Variants in RASGRP3 observed in about 807,000 individuals in gnomAD.
RASGRP3 encodes the protein ras guanyl-releasing protein 3.
A neutral mutation model predicts 82.7 loss-of-function variants in RASGRP3; 54 were observed. The observed-to-expected ratio is 0.65, with a 90% CI of 0.52 to 0.82. The LOEUF is 0.82. RASGRP3 is among the 40% of genes least tolerant of loss of function. RASGRP3 has a pLI of 0.00. For missense variants in RASGRP3, 861 were observed against 828.9 expected (o/e 1.04, Z -0.48); for synonymous variants, 309 against 300.5 (o/e 1.03, Z -0.29).
chr2:33,549,629 ATG>A lies in RASGRP3; in HGVS notation c.1421_1422del (p.Met474AsnfsTer8). ...DQDGLISKDE[M>X]MAYFLRAKSQ... ...GGATGGCCTAATTAGTAAAGATGAA[ATG>A]ATGGCTTACTTCCTGAGAGCTAAAT... On this transcript the variant is annotated frameshift_variant, in exon 14 of 18. Transcript: ENST00000403687. LOFTEE classifies it high-confidence loss of function. The A allele has an allele frequency of 3.1e-6, 5 of 1,613,410 alleles. No homozygotes were observed. The highest frequency in any genetic ancestry group is 3.4e-6 in the Non-Finnish European group (4 of 1,179,516).
At chr2:33,500,198 AAGG>A (rs1009252962) in intron 1 of RASGRP3, among the ~76,000 whole-genome samples, 3 of 152,130 alleles carry the variant, frequency 2.0e-5, no homozygotes, top group Admixed American at 2.0e-4. Context: ...AGAGAGGAAA[AAGG>A]AGGGAGGGAA....
intron 1 of RASGRP3, among the ~76,000 whole-genome samples, chr2:33,496,737 G>T: frequency 6.6e-6 from 1 of 152,156 alleles, no homozygotes; most frequent in Non-Finnish European, 1.5e-5. Flanking sequence ...CATGCCTGTA[G>T]TCCCAACTAC....
At chr2:33,445,150 G>A (rs1375153803) in intron 1 of RASGRP3, among the ~76,000 whole-genome samples, 3 of 152,238 alleles carry the variant, frequency 2.0e-5, no homozygotes, top group African/African-American at 7.2e-5. Flanking sequence ...GGACTCTCAT[G>A]CCAGTCAGCT....
At chr2:33,477,170 A>G (rs969307020) in intron 1 of RASGRP3, among the ~76,000 whole-genome samples, 2 of 152,172 alleles carry the variant, frequency 1.3e-5, no homozygotes, top group Non-Finnish European at 2.9e-5. Context: ...AATTTATTGT[A>G]TGGCTGATTT....
intron 2 of RASGRP3, among the ~76,000 whole-genome samples, chr2:33,513,084 C>T (rs1671091631): frequency 6.6e-6 from 1 of 152,104 alleles, no homozygotes; most frequent in African/African-American, 2.4e-5. Context: ...AAAGTTAGTT[C>T]CAGATGACTT....
intron 11 of RASGRP3, among the ~76,000 whole-genome samples, chr2:33,534,855 A>T (rs1673452020): frequency 6.6e-6 from 1 of 152,088 alleles, no homozygotes; most frequent in African/African-American, 2.4e-5. Flanking sequence ...TTCCCATTTT[A>T]TCAATGGGAC....
intron 7 of RASGRP3, among the ~76,000 whole-genome samples, chr2:33,523,131 C>T (rs914427752): frequency 5.9e-5 from 9 of 151,832 alleles, no homozygotes; most frequent in Non-Finnish European, 7.4e-5. Context: ...TATTGTATAC[C>T]GTTATATCTT....
At chr2:33,449,934 G>A (rs1379304148) in intron 2 of RASGRP3, among the ~76,000 whole-genome samples, 1 of 152,070 alleles carries the variant, frequency 6.6e-6, no homozygotes, top group South Asian at 2.1e-4. Flanking sequence ...ACAACTGTAA[G>A]CATTTATTAC....
chr2:33,511,048 C>T (rs1292872101), intron 1 of RASGRP3, among the ~76,000 whole-genome samples: 1 of 152,160 alleles, frequency 6.6e-6, no homozygotes, highest in Non-Finnish European at 1.5e-5. Flanking sequence ...CCTTTGAAAT[C>T]ACACCCAACA....
At chr2:33,537,915 T>C (rs1357190108) in intron 11 of RASGRP3, among the ~76,000 whole-genome samples, 2 of 152,130 alleles carry the variant, frequency 1.3e-5, no homozygotes, top group African/African-American at 4.8e-5. Flanking sequence ...GAAAGAAAGT[T>C]CACCAAAGAG....
At chr2:33,464,525 G>A (rs1388342423) in intron 2 of RASGRP3, among the ~76,000 whole-genome samples, 1 of 150,440 alleles carries the variant, frequency 6.6e-6, no homozygotes, top group African/African-American at 2.4e-5. Context: ...CCAGGCTGGA[G>A]TGCAGTGGCC....
At chr2:33,457,272 CA>C (rs1430450862) in intron 2 of RASGRP3, among the ~76,000 whole-genome samples, 2 of 152,044 alleles carry the variant, frequency 1.3e-5, no homozygotes, top group African/African-American at 2.4e-5. Context: ...TGAATATACT[CA>C]ACTAAAATTA....
Position 33,563,554 on chromosome 2 carries a change from G to GAAAT in RASGRP3, c.*819_*822dup, listed in dbSNP as rs906516091. 69 of 152,022 alleles carry GAAAT rather than the reference G, an allele frequency of 4.5e-4. 1 individual carries two copies. The highest frequency in any genetic ancestry group is 1.6e-3 in the African/African-American group (67 of 41,510). The allele number at this position is 152,022 out of a possible 1,614,324, so 9.4% of individuals were successfully genotyped here. On this transcript the variant is annotated 3_prime_UTR_variant, in exon 18 of 18. Coordinates refer to ENST00000403687, the MANE Select transcript of RASGRP3 (RefSeq NM_001139488.2). ...CATCTTTCTTAAGATTCCTGAAGTA[G>GAAAT]AAATAGCAATTAAGAAATTAATTCA... is the stretch of plus-strand genomic sequence containing the variant.
intron 1 of RASGRP3, among the ~76,000 whole-genome samples, chr2:33,502,905 A>G (rs921354649): frequency 6.6e-6 from 1 of 152,150 alleles, no homozygotes; most frequent in Non-Finnish European, 1.5e-5. Context: ...TCCACTAATG[A>G]GTCCAAAATA....
intron 2 of RASGRP3, among the ~76,000 whole-genome samples, chr2:33,468,013 TTTCTTTC>T (rs1196840279): frequency 9.6e-5 from 13 of 134,926 alleles, no homozygotes. Flanking sequence ...TCTTTCTTTC[TTTCTTTC>T]TTTCTTTCTT....
chr2:33,538,773 T>C (rs1473087328), intron 11 of RASGRP3, among the ~76,000 whole-genome samples: 3 of 152,124 alleles, frequency 2.0e-5, no homozygotes, highest in Non-Finnish European at 4.4e-5. Context: ...GCGTGGTAGC[T>C]CATGCCTATA....
chr2:33,471,615 A>G (rs975891647), intron 2 of RASGRP3, among the ~76,000 whole-genome samples: 1 of 151,916 alleles, frequency 6.6e-6, no homozygotes, highest in Admixed American at 6.6e-5. Context: ...GTCCACTTGA[A>G]CACTTCATAT....
At chr2:33,475,567 C>G (rs568468039), upstream of RASGRP3, among the ~76,000 whole-genome samples, 7 of 152,296 alleles carry the variant, frequency 4.6e-5, no homozygotes, top group East Asian at 1.2e-3. Flanking sequence ...TAGGCTGCCT[C>G]TATGTCATAT....
At chr2:33,450,379 C>T (rs1427822926) in intron 2 of RASGRP3, among the ~76,000 whole-genome samples, 1 of 152,112 alleles carries the variant, frequency 6.6e-6, no homozygotes, top group South Asian at 2.1e-4. Flanking sequence ...AAAACCTCCT[C>T]ATTCTCACCT....
Sources: allele counts gnomAD v4.1 joint callset (sites outside exome capture counted in the v4.1 genomes callset), GRCh38; gene constraint gnomAD v4.1.1; transcripts MANE v1.5; gene names NCBI Gene and HGNC (gene_info 2026-07-23, HGNC 2026-07-21).